RIMS2: variants seen among roughly 807,000 people sequenced by gnomAD.
The protein encoded by RIMS2 is regulating synaptic membrane exocytosis 2.
A neutral mutation model predicts 174.4 loss-of-function variants in RIMS2; 59 were observed. That is an observed-to-expected ratio of 0.34 (90% CI 0.27 to 0.42). The LOEUF is 0.42. Ranked by LOEUF, RIMS2 falls within the 10% of genes least tolerant of loss-of-function variation. The probability of loss-of-function intolerance (pLI) is 1.00; values close to 1 mark genes in which losing one functional copy is unlikely to be tolerated. For missense variants in RIMS2, 1,620 were observed against 1,666.3 expected (o/e 0.97, Z 0.48); for synonymous variants, 606 against 572.5 (o/e 1.06, Z -0.84).
chr8:104,142,899 A>G (rs1462132398), intron 19 of RIMS2, among the ~76,000 whole-genome samples: 1 of 152,228 alleles, frequency 6.6e-6, no homozygotes, highest in Non-Finnish European at 1.5e-5. Flanking sequence ...TATATACAGT[A>G]CTTGCAATAA....
chr8:103,918,517 T>A lies in RIMS2; in HGVS notation c.2083+30T>A, dbSNP rs200350980. 1,798 of 1,465,572 alleles carry A rather than the reference T, an allele frequency of 1.2e-3. 3 individuals carry two copies. The highest frequency in any genetic ancestry group is 1.6e-3 in the Non-Finnish European group (1,666 of 1,045,260). 90.8% of individuals were successfully genotyped at this position (1,465,572 alleles called of 1,614,324 possible). ...GTTTTATTTATGCTGGAAGAAAACG[T>A]TATTTATAATTGCATTCATCAGAGA... On this transcript the variant is annotated intron_variant, in intron 9 of 23. Coordinates refer to ENST00000504942, the Ensembl canonical transcript of RIMS2.
At position 103,881,521 on chromosome 8, in the gene RIMS2, G is replaced by T. The variant is rs374015376; in HGVS notation, c.699-3777G>T. 6.6e-5 allele frequency among the ~76,000 whole-genome samples: 10 copies of T among 151,528 alleles called. 1 individual carries two copies. The highest frequency in any genetic ancestry group is 5.8e-4 in the East Asian group (3 of 5,162). On this transcript the variant is annotated intron_variant, in intron 3 of 23. Transcript: ENST00000504942. ...TCTGGAAGTGATTTTAATTGGGAAAGAAGCTTCTTTGGAGTTTTCCCATCA... is the reference window on the plus strand; with the variant it reads ...TCTGGAAGTGATTTTAATTGGGAAATAAGCTTCTTTGGAGTTTTCCCATCA...
intron 3 of RIMS2, among the ~76,000 whole-genome samples, chr8:103,863,633 T>C (rs2099069888): frequency 6.6e-6 from 1 of 152,074 alleles, no homozygotes; most frequent in South Asian, 2.1e-4. Context: ...ATTATTCATT[T>C]CTGGTCTGTT....
At chr8:103,725,401 T>C (rs2097515526) in intron 2 of RIMS2, among the ~76,000 whole-genome samples, 1 of 152,136 alleles carries the variant, frequency 6.6e-6, no homozygotes, top group Non-Finnish European at 1.5e-5. Context: ...TTTATCCCCG[T>C]CTCCCAAAAG....
At chr8:103,759,207 A>T (rs900273593) in intron 2 of RIMS2, among the ~76,000 whole-genome samples, 2 of 152,104 alleles carry the variant, frequency 1.3e-5, no homozygotes, top group Admixed American at 6.6e-5. Flanking sequence ...ACCCTTCGGG[A>T]TGCCCTAGCA....
chr8:103,595,662 A>G (rs1477580346), intron 1 of RIMS2, among the ~76,000 whole-genome samples: 2 of 151,900 alleles, frequency 1.3e-5, no homozygotes, highest in African/African-American at 2.4e-5. Flanking sequence ...GTATAAGAAG[A>G]TATAATTTTC....
intron 1 of RIMS2, among the ~76,000 whole-genome samples, chr8:103,573,754 A>G (rs1201534763): frequency 6.6e-6 from 1 of 152,128 alleles, no homozygotes; most frequent in Non-Finnish European, 1.5e-5. Flanking sequence ...AAATGATGCT[A>G]GTAATTTGAT....
chr8:103,633,969 C>CA lies in RIMS2; in HGVS notation c.177-63117_177-63116insA, dbSNP rs376682633. On this transcript the variant is annotated intron_variant, in intron 1 of 23. Transcript: ENST00000504942. ...CCTATTAATTTTTTCAAAAAATCAA[C>CA]TGCTGGATTTGTTGATCTTTTGAAT... 5.0e-3 allele frequency among the ~76,000 whole-genome samples: 762 copies of CA among 152,200 alleles called. 7 individuals are homozygous for CA. The highest frequency in any genetic ancestry group is 0.017 in the African/African-American group (722 of 41,520).
intron 9 of RIMS2, among the ~76,000 whole-genome samples, chr8:103,919,408 T>C (rs1275000067): frequency 6.6e-6 from 1 of 151,970 alleles, no homozygotes; most frequent in Non-Finnish European, 1.5e-5. Flanking sequence ...AATTGCATAG[T>C]CTATATAACC....
At chr8:103,505,805 T>C (rs904716607) in intron 1 of RIMS2, among the ~76,000 whole-genome samples, 1 of 152,162 alleles carries the variant, frequency 6.6e-6, no homozygotes, top group African/African-American at 2.4e-5. Flanking sequence ...CACTGTAGAC[T>C]TATTTGCAAT....
chr8:103,717,138 C>CTTTT lies in RIMS2; in HGVS notation c.387+19859_387+19862dup, dbSNP rs11373218. ...GCTGATAGTTTCTAAATAGTGCCTT[C>CTTTT]TTTTTTTTTTTTTTTTTTTTCTTTT... On this transcript the variant is annotated intron_variant, in intron 2 of 23. Transcript: ENST00000504942. Among the ~76,000 whole-genome samples, 675 of 112,280 alleles carry CTTTT rather than the reference C, an allele frequency of 6.0e-3. 2 individuals carry two copies. The highest frequency in any genetic ancestry group is 0.022 in the Middle Eastern group (4 of 182). 73.7% of individuals were successfully genotyped at this position (112,280 alleles called of 152,430 possible). A position where few individuals can be genotyped will look rare whatever the true frequency, so the allele number is the denominator to read the frequency against.
chr8:103,885,135 A>G (rs1013263136), intron 3 of RIMS2, among the ~76,000 whole-genome samples, 163 bp from the exon 7 acceptor site: 2 of 151,960 alleles, frequency 1.3e-5, no homozygotes, highest in African/African-American at 2.4e-5. Context: ...TGAACTGAAT[A>G]TAATGAATAC....
chr8:103,962,611 TATTGATTG>T (rs202230469), intron 15 of RIMS2, among the ~76,000 whole-genome samples: 1 of 152,112 alleles, frequency 6.6e-6, no homozygotes, highest in African/African-American at 2.4e-5. Flanking sequence ...CTTTATTTTT[TATTGATTG>T]ATTGATTGAT....
intron 3 of RIMS2, among the ~76,000 whole-genome samples, chr8:103,860,897 TA>T (rs1168380205): frequency 2.0e-5 from 3 of 152,180 alleles, no homozygotes; most frequent in Admixed American, 6.5e-5. Context: ...GTACAAATGT[TA>T]AAAACAGCAT....
At chr8:104,022,237 CA>C (rs1339274255) in intron 19 of RIMS2, among the ~76,000 whole-genome samples, 16 of 152,038 alleles carry the variant, frequency 1.1e-4, no homozygotes, top group Non-Finnish European at 2.4e-4. Context: ...ATTGGTTTTA[CA>C]AAGGCAGTTT....
At chr8:103,886,105 G>A in exon 4 of RIMS2, 1 of 1,613,026 alleles carries the variant, frequency 6.2e-7, no homozygotes, top group Admixed American at 1.7e-5. Flanking sequence ...ATAAATCAAA[G>A]AAAGGCGGTA....
In RIMS2 at chr8:103,909,843, C is replaced by T. The variant is rs572063736; in HGVS notation, c.1625-291C>T. Reference sequence around the variant, plus strand: ...GCATATACATTTTTTGTTTCTATTTCTGTTTATTATTTCTGTTTATTATTA... The same window carrying T: ...GCATATACATTTTTTGTTTCTATTTTTGTTTATTATTTCTGTTTATTATTA... On this transcript the variant is annotated intron_variant, in intron 4 of 23. Transcript: ENST00000504942. 2.6e-5 allele frequency among the ~76,000 whole-genome samples: 4 copies of T among 151,916 alleles called. No homozygotes were observed. The East Asian group carries it at 7.7e-4, about 29-fold the overall frequency.
At chr8:103,633,038 T>C (rs998568045) in intron 1 of RIMS2, among the ~76,000 whole-genome samples, 5 of 150,884 alleles carry the variant, frequency 3.3e-5, no homozygotes, top group African/African-American at 1.2e-4. Context: ...AGGCCTTTTT[T>C]TTTTTTGAGA....
At chr8:103,972,642 G>A (rs2093008746) in intron 15 of RIMS2, among the ~76,000 whole-genome samples, 1 of 152,022 alleles carries the variant, frequency 6.6e-6, no homozygotes, top group African/African-American at 2.4e-5. Flanking sequence ...TTGCTGTTCT[G>A]TGAACATGTG....
Sources: gnomAD v4.1 joint callset for allele counts (sites outside exome capture counted in the v4.1 genomes callset) on GRCh38, gnomAD v4.1.1 for gene constraint, MANE v1.5 for transcripts, NCBI Gene and HGNC (gene_info 2026-07-23, HGNC 2026-07-21) for gene names.